PTPRD: variants seen among roughly 807,000 people sequenced by gnomAD.
PTPRD encodes receptor-type tyrosine-protein phosphatase delta.
Under a neutral mutation model 214.5 loss-of-function variants are expected in PTPRD, and 34 were observed. That is an observed-to-expected ratio of 0.16 (90% CI 0.12 to 0.21). The LOEUF is 0.21. PTPRD is among the 10% of genes least tolerant of loss of function. PTPRD has a pLI of 1.00. For missense variants in PTPRD, 2,545 were observed against 2,398.7 expected (o/e 1.06, Z -1.27); for synonymous variants, 1,128 against 845.7 (o/e 1.33, Z -5.79).
chr9:9,440,560 C>T (rs7020848), intron 8 of PTPRD, among the ~76,000 whole-genome samples: 134,288 of 152,236 alleles, frequency 0.88, 59,520 homozygotes, highest in African/African-American at 0.94. Flanking sequence ...CAGTTGTCAC[C>T]GATAACTTCA....
chr9:9,484,771 G>C (rs867407406), intron 8 of PTPRD, among the ~76,000 whole-genome samples: 10 of 152,094 alleles, frequency 6.6e-5, no homozygotes, highest in Non-Finnish European at 1.5e-4. Flanking sequence ...AACTCAAAGT[G>C]TCTGGTTCTG....
At chr9:9,359,286 AT>A (rs2055068672) in intron 9 of PTPRD, among the ~76,000 whole-genome samples, 1 of 151,294 alleles carries the variant, frequency 6.6e-6, no homozygotes, top group Non-Finnish European at 1.5e-5. Flanking sequence ...GCTTTGGGCT[AT>A]TTTTATTAGC....
At chr9:8,875,692 C>T (rs1587117658) in intron 11 of PTPRD, among the ~76,000 whole-genome samples, 1 of 152,146 alleles carries the variant, frequency 6.6e-6, no homozygotes, top group Admixed American at 6.6e-5. Context: ...AGCATCACCT[C>T]ATGTCCTTAG....
chr9:8,809,482 G>T (rs1352198804), intron 11 of PTPRD, among the ~76,000 whole-genome samples: 2 of 152,108 alleles, frequency 1.3e-5, no homozygotes, highest in African/African-American at 4.8e-5. Flanking sequence ...ATATTCCAAA[G>T]AAGCTGTCTG....
intron 35 of PTPRD, 56 bp downstream of exon 35, chr9:8,436,536 A>G: frequency 1.4e-6 from 2 of 1,385,982 alleles, no homozygotes; most frequent in Middle Eastern, 1.8e-4. Context: ...AATATGGTCA[A>G]AAAAAGAGAA....
chr9:9,713,942 A>T (rs1169179208), intron 7 of PTPRD, among the ~76,000 whole-genome samples: 2 of 152,018 alleles, frequency 1.3e-5, no homozygotes, highest in Non-Finnish European at 2.9e-5. Context: ...AACTTCCAGG[A>T]AGGTAGGTTA....
intron 11 of PTPRD, among the ~76,000 whole-genome samples, chr9:8,750,842 T>G (rs2093449072): frequency 6.6e-6 from 1 of 152,146 alleles, no homozygotes; most frequent in Non-Finnish European, 1.5e-5. Context: ...TGGAAGACAC[T>G]GGAGGGCTTT....
At chr9:10,406,764 G>A (rs187619981) in intron 2 of PTPRD, among the ~76,000 whole-genome samples, 1 of 151,388 alleles carries the variant, frequency 6.6e-6, no homozygotes, top group Non-Finnish European at 1.5e-5. Flanking sequence ...GATTTCACAT[G>A]TCAGCATGGG....
intron 8 of PTPRD, among the ~76,000 whole-genome samples, chr9:9,528,611 A>G (rs1185375851): frequency 1.3e-5 from 2 of 152,180 alleles, no homozygotes; most frequent in Non-Finnish European, 2.9e-5. Context: ...AGAACAAAGG[A>G]TAAAAAGAAC....
At chr9:8,836,599 T>TC (rs2097428657) in intron 11 of PTPRD, among the ~76,000 whole-genome samples, 1 of 114,298 alleles carries the variant, frequency 8.7e-6, no homozygotes, top group Non-Finnish European at 1.9e-5. Flanking sequence ...TTTTTTTTTT[T>TC]TTTTTTTTTT....
intron 11 of PTPRD, among the ~76,000 whole-genome samples, chr9:8,992,685 C>T (rs2099380315): frequency 6.6e-6 from 1 of 152,144 alleles, no homozygotes. Context: ...TCTCAAGAGC[C>T]TACACCTTTC....
At chr9:9,581,332 G>A (rs1293430480) in intron 7 of PTPRD, among the ~76,000 whole-genome samples, 1 of 152,018 alleles carries the variant, frequency 6.6e-6, no homozygotes, top group Non-Finnish European at 1.5e-5. Flanking sequence ...GTAAATTGTA[G>A]GTAATATAAG....
chr9:8,739,832 T>C (rs2091460864), intron 11 of PTPRD, among the ~76,000 whole-genome samples: 1 of 152,266 alleles, frequency 6.6e-6, no homozygotes, highest in Admixed American at 6.5e-5. Flanking sequence ...GTTCCCATGA[T>C]AGTGAATAAG....
intron 5 of PTPRD, among the ~76,000 whole-genome samples, chr9:9,840,027 T>C (rs1046548335): frequency 6.6e-6 from 1 of 151,856 alleles, no homozygotes; most frequent in Non-Finnish European, 1.5e-5. Flanking sequence ...TTATGGTTGG[T>C]TTTTATTATT....
intron 8 of PTPRD, among the ~76,000 whole-genome samples, chr9:9,571,680 C>T (rs890358433): frequency 2.0e-5 from 3 of 150,712 alleles, no homozygotes; most frequent in Non-Finnish European, 4.5e-5. Flanking sequence ...GGCCACATAA[C>T]TAATTGTTGC....
At chr9:8,495,179 C>G (rs1204519833) in intron 26 of PTPRD, among the ~76,000 whole-genome samples, 3 of 152,116 alleles carry the variant, frequency 2.0e-5, no homozygotes, top group Non-Finnish European at 4.4e-5. Flanking sequence ...CTGTGACTAC[C>G]CAGTGTTACT....
chr9:8,787,158 C>G (rs2096016020), intron 11 of PTPRD, among the ~76,000 whole-genome samples: 1 of 152,104 alleles, frequency 6.6e-6, no homozygotes, highest in Non-Finnish European at 1.5e-5. Context: ...ATTAAACAGC[C>G]CAGAACTTAC....
chr9:10,361,350 C>T (rs2154470351), intron 2 of PTPRD, among the ~76,000 whole-genome samples: 1 of 152,192 alleles, frequency 6.6e-6, no homozygotes, highest in African/African-American at 2.4e-5. Context: ...CTGGTGTTAT[C>T]GAAATAGTTT....
chr9:9,481,335 C>T (rs867749179), intron 8 of PTPRD, among the ~76,000 whole-genome samples: 4 of 152,080 alleles, frequency 2.6e-5, no homozygotes, highest in Admixed American at 6.6e-5. Context: ...ATTTGATTAG[C>T]CTTGCTGATC....
Sources: gnomAD v4.1 joint callset for allele counts (sites outside exome capture counted in the v4.1 genomes callset) on GRCh38, gnomAD v4.1.1 for gene constraint, MANE v1.5 for transcripts, NCBI Gene and HGNC (gene_info 2026-07-23, HGNC 2026-07-21) for gene names.